MAGT1: variants seen among roughly 807,000 people sequenced by gnomAD.
MAGT1 encodes the protein magnesium transporter 1.
A neutral mutation model predicts 28.4 loss-of-function variants in MAGT1; 4 were observed. The ratio of observed to expected loss-of-function variants is 0.14; its 90% CI spans 0.07 to 0.32. MAGT1 has a LOEUF of 0.32. Ranked by LOEUF, MAGT1 falls within the 10% of genes least tolerant of loss-of-function variation. MAGT1 has a pLI of 1.00. For synonymous variants in MAGT1, 89 were observed against 89.7 expected (o/e 0.99, Z 0.04); for missense variants, 193 against 264.5 (o/e 0.73, Z 1.88).
chrX:77,856,595 CAG>C (rs1248126856), intron 5 of MAGT1, 136 bp downstream of exon 5: 1 of 605,510 alleles, frequency 1.7e-6, no homozygotes, highest in Admixed American at 3.7e-5. Context: ...GATTTTAAGA[CAG>C]AAAATTAAAA....
intron 1 of MAGT1, among the ~76,000 whole-genome samples, chrX:77,880,546 C>A (rs2077048960): frequency 9.1e-6 from 1 of 109,598 alleles, no homozygotes. Context: ...ACAAAAAAAA[C>A]ATTAGTTTTG....
chrX:77,854,022 T>C, intron 6 of MAGT1, 58 bp from the exon 7 acceptor site: 1 of 899,162 alleles, frequency 1.1e-6, no homozygotes, highest in Non-Finnish European at 1.6e-6. Context: ...GTTGGTATGC[T>C]AACCCTAAAA....
chrX:77,865,279 TTC>T, intron 3 of MAGT1, among the ~76,000 whole-genome samples: 1 of 111,336 alleles, frequency 9.0e-6, no homozygotes, highest in East Asian at 2.8e-4. Flanking sequence ...AGTAACTATA[TTC>T]TTTTATTTAT....
At chrX:77,843,866 T>C (rs782010517) in intron 7 of MAGT1, among the ~76,000 whole-genome samples, 32 of 111,407 alleles carry the variant, frequency 2.9e-4, no homozygotes, top group Non-Finnish European at 5.1e-4. Context: ...TATTGAGGAT[T>C]TTTGCATCAA....
chrX:77,881,439 G>C (rs1221261672), intron 1 of MAGT1, among the ~76,000 whole-genome samples: 1 of 67,116 alleles, frequency 1.5e-5, no homozygotes, highest in African/African-American at 6.4e-5. Context: ...AACAGGCCCC[G>C]GTGTGTGATG....
At chrX:77,892,466 T>G (rs1421474982) in intron 1 of MAGT1, among the ~76,000 whole-genome samples, 1 of 111,055 alleles carries the variant, frequency 9.0e-6, no homozygotes, top group Non-Finnish European at 1.9e-5. Context: ...AAAATCCAAT[T>G]TTATGTTGTG....
In MAGT1 at chrX:77,895,430, A is replaced by G. The variant is rs781800228; in HGVS notation, c.-20T>C. The G allele has an allele frequency of 4.2e-5, 51 of 1,207,598 alleles. No individual in the cohort carries two copies. Among genetic ancestry groups the G allele is most frequent in the Middle Eastern group, 4.6e-4 (2 of 4,354 alleles). On this transcript the variant is annotated 5_prime_UTR_variant, in exon 1 of 10. Transcript: ENST00000618282. The stretch of plus-strand genomic sequence containing the variant: ...TGCCATGTTCGCTCCTCTCCCTTCT[A>G]TAAGTGAAACTTTGCTCCGGCTAGG...
intron 7 of MAGT1, among the ~76,000 whole-genome samples, chrX:77,850,391 G>A (rs781918069): frequency 1.6e-4 from 16 of 102,501 alleles, no homozygotes; most frequent in African/African-American, 5.3e-4. Flanking sequence ...CAGGAGGATC[G>A]CTTGAACCCA....
At chrX:77,872,965 T>C in intron 2 of MAGT1, among the ~76,000 whole-genome samples, 1 of 111,913 alleles carries the variant, frequency 8.9e-6, no homozygotes, top group East Asian at 2.8e-4. Flanking sequence ...TTAAATTTGG[T>C]CTCATAGAAA....
Position 77,826,164 on chromosome X carries a change from G to A in MAGT1, c.*3056C>T. 8.9e-6 allele frequency among the ~76,000 whole-genome samples: 1 copy of A among 112,213 alleles called. No individual in the cohort carries two copies. Among genetic ancestry groups the A allele is most frequent in the Non-Finnish European group, 1.9e-5 (1 of 53,300 alleles). On this transcript the variant is annotated 3_prime_UTR_variant, in exon 10 of 10. Coordinates refer to ENST00000618282, the MANE Select transcript of MAGT1 (RefSeq NM_001367916.1). ...CCTAATGGGTAACAACATTAAGAAT[G>A]AGGGACCATGTATAGATTCCTAGAA...
intron 7 of MAGT1, among the ~76,000 whole-genome samples, chrX:77,849,874 CA>C (rs2076962270): frequency 1.8e-5 from 1 of 54,867 alleles, no homozygotes; most frequent in Non-Finnish European, 3.3e-5. Context: ...GACTCCATCT[CA>C]AAAACAAAAA....
chrX:77,857,560 A>T, intron 3 of MAGT1, 63 bp from the exon 4 acceptor site: 1 of 1,160,001 alleles, frequency 8.6e-7, no homozygotes, highest in Non-Finnish European at 1.2e-6. Flanking sequence ...TGCAGTTAAC[A>T]TCTTGAAATT....
intron 1 of MAGT1, among the ~76,000 whole-genome samples, chrX:77,884,881 G>A (rs781981867): frequency 6.6e-4 from 71 of 106,815 alleles, no homozygotes; most frequent in African/African-American, 2.1e-3. Flanking sequence ...TGAGGAGATC[G>A]AGACCATGGT....
chrX:77,865,375 C>T (rs781947724), intron 3 of MAGT1, among the ~76,000 whole-genome samples: 2 of 110,628 alleles, frequency 1.8e-5, no homozygotes, highest in Non-Finnish European at 1.9e-5. Flanking sequence ...CTACAAGCTC[C>T]GCCTCCCGGG....
At chrX:77,874,336 G>A (rs1488642880) in intron 2 of MAGT1, among the ~76,000 whole-genome samples, 2 of 104,868 alleles carry the variant, frequency 1.9e-5, no homozygotes, top group Admixed American at 2.1e-4. Context: ...GGTGGCTCAC[G>A]CCTGTAATCC....
chrX:77,888,969 ATATTAT>A (rs781911390), intron 1 of MAGT1, among the ~76,000 whole-genome samples: 16 of 107,928 alleles, frequency 1.5e-4, no homozygotes, highest in Admixed American at 4.1e-4. Context: ...CAACTACATT[ATATTAT>A]TATTATTATT....
chrX:77,849,019 T>C (rs1435582916), intron 7 of MAGT1, among the ~76,000 whole-genome samples: 1 of 108,434 alleles, frequency 9.2e-6, no homozygotes, highest in Non-Finnish European at 1.9e-5. Context: ...TCTAAAAAAA[T>C]AAACATAAAA....
chrX:77,838,452 G>T (rs1435590245), intron 8 of MAGT1, among the ~76,000 whole-genome samples: 1 of 102,580 alleles, frequency 9.7e-6, no homozygotes, highest in Non-Finnish European at 2.0e-5. Context: ...GTAAGGCCTG[G>T]CCTTAAAAAA....
intron 3 of MAGT1, among the ~76,000 whole-genome samples, chrX:77,864,834 C>T (rs1557216750): frequency 9.0e-6 from 1 of 110,985 alleles, no homozygotes; most frequent in Non-Finnish European, 1.9e-5. Context: ...GTCTCAGCCT[C>T]CCAAGTAGCT....
Sources: allele counts gnomAD v4.1 joint callset (sites outside exome capture counted in the v4.1 genomes callset), GRCh38; gene constraint gnomAD v4.1.1; transcripts MANE v1.5; gene names NCBI Gene and HGNC (gene_info 2026-07-23, HGNC 2026-07-21).